Variants in PUF60 observed in about 807,000 individuals in gnomAD.
PUF60 encodes poly(U) binding splicing factor 60.
Under a neutral mutation model 61.8 loss-of-function variants are expected in PUF60, and 10 were observed. That is an observed-to-expected ratio of 0.16 (90% confidence interval 0.10 to 0.27). PUF60 has a LOEUF of 0.27. Ranked by LOEUF, PUF60 falls within the 10% of genes least tolerant of loss-of-function variation. The probability of loss-of-function intolerance (pLI) is 1.00; values close to 1 mark genes in which losing one functional copy is unlikely to be tolerated. For missense variants in PUF60, 371 were observed against 754.0 expected, an observed-to-expected ratio of 0.49 and a Z score of 5.95; for synonymous variants, 353 against 300.9, an observed-to-expected ratio of 1.17 and a Z score of -1.79.
chr8:143,822,592 C>G (rs1817148657), intron 2 of PUF60: 1 of 456,472 alleles, frequency 2.2e-6, no homozygotes, highest in Admixed American at 2.3e-5. Flanking sequence ...TGGGAGAAGC[C>G]AGGAGCAGAC....
chr8:143,825,847 G>A (rs529527592), intron 1 of PUF60, among the ~76,000 whole-genome samples: 2 of 152,234 alleles, frequency 1.3e-5, no homozygotes, highest in Non-Finnish European at 2.9e-5. Context: ...GAACTGAGGG[G>A]CACTTTTGTA....
chr8:143,817,540 A>C lies in PUF60; in HGVS notation c.1008+52T>G, dbSNP rs754292307. 29 of 1,608,540 alleles carry C rather than the reference A, an allele frequency of 1.8e-5. 1 individual carries two copies. Among genetic ancestry groups the C allele is most frequent in the Non-Finnish European group, 2.4e-5 (28 of 1,179,084 alleles). Reference sequence around the variant, plus strand: ...GACCACCTTGAATCAGTCTCCAAGGAATCAGGGGCCAGCCCGCCCACCCTC... The same window carrying C: ...GACCACCTTGAATCAGTCTCCAAGGCATCAGGGGCCAGCCCGCCCACCCTC... On this transcript the variant is annotated intron_variant, in intron 9 of 11. Transcript: ENST00000526683. This position sits in a 1 kb window ranked among gnomAD's most constrained non-coding sequence, Gnocchi z 7.4.
chr8:143,829,014 T>C (rs1348787950), intron 1 of PUF60: 1 of 996,194 alleles, frequency 1.0e-6, no homozygotes, highest in Non-Finnish European at 1.2e-6. Context: ...CCCGCCAGGC[T>C]CGCCCGCAAG....
chr8:143,824,832 G>A (rs956468959), intron 1 of PUF60: 5 of 197,382 alleles, frequency 2.5e-5, no homozygotes, highest in Admixed American at 2.2e-4. Context: ...CAGCTCCAGT[G>A]CCTTCCACAG....
chr8:143,822,502 G>A, intron 2 of PUF60: 1 of 456,584 alleles, frequency 2.2e-6, no homozygotes, highest in South Asian at 1.5e-5. Context: ...GAGAACACAG[G>A]CCTCTCTCGG....
In PUF60 at chr8:143,816,563, A is replaced by G; in HGVS notation, c.1637T>C (p.Val546Ala). Residue 546 changes from valine to alanine, a missense_variant, in exon 12 of 12, where the codon GTG becomes GCG. By Grantham distance (64) the Val-to-Ala change is moderately conservative. This residue lies in a region of PUF60 where 17 missense variants were observed against 37.3 expected (regional missense o/e 0.46). Coordinates refer to ENST00000526683, the MANE Select transcript of PUF60 (RefSeq NM_078480.3). ...WFAGRKVVAE[V>A]YDQERFDNSD... ...GTTATCAAAACGCTCCTGGTCGTAC[A>G]CTTCAGCCACCACCTTGCGGCCAGC... is the stretch of plus-strand genomic sequence containing the variant. 6.2e-7 allele frequency: 1 copy of G among 1,613,494 alleles called. No individual in the cohort carries two copies. The highest frequency in any genetic ancestry group is 8.5e-7 in the Non-Finnish European group (1 of 1,179,816).
At chr8:143,824,055 C>A (rs1396649235) in intron 2 of PUF60, among the ~76,000 whole-genome samples, 2 of 152,282 alleles carry the variant, frequency 1.3e-5, no homozygotes. Flanking sequence ...GTCAACAGGC[C>A]CCGCCTGGTG....
At chr8:143,824,453 G>A (rs1427907722) in intron 1 of PUF60, 54 bp from the exon 2 acceptor site, 9 of 1,563,682 alleles carry the variant, frequency 5.8e-6, no homozygotes, top group Admixed American at 1.7e-5. Context: ...CACCGCCCAG[G>A]CCTGCTCTCC....
At chr8:143,825,454 A>C (rs1052657564) in intron 1 of PUF60, among the ~76,000 whole-genome samples, 1 of 151,382 alleles carries the variant, frequency 6.6e-6, no homozygotes, top group East Asian at 1.9e-4. Context: ...CTGCCTAAAC[A>C]CTGCACCCCG....
chr8:143,825,627 C>G (rs1043268762), intron 1 of PUF60, among the ~76,000 whole-genome samples: 4 of 152,284 alleles, frequency 2.6e-5, no homozygotes, highest in African/African-American at 9.6e-5. Flanking sequence ...GGACTCCAGG[C>G]ATGCGCCGCC....
Position 143,817,524 on chromosome 8 carries a change from G to C in PUF60, c.1009-58C>G, listed in dbSNP as rs1401520617. 1.1e-5 allele frequency: 17 copies of C among 1,608,232 alleles called. No homozygotes were observed. Among genetic ancestry groups the C allele is most frequent in the African/African-American group, 5.3e-5 (4 of 74,940 alleles). On this transcript the variant is annotated intron_variant, in intron 9 of 11. Coordinates refer to ENST00000526683, the MANE Select transcript of PUF60 (RefSeq NM_078480.3). The surrounding 1 kb of genome is among the most constrained non-coding windows in gnomAD (Gnocchi z 7.4). The stretch of plus-strand genomic sequence containing the variant: ...TGGTCTGGCTACTCAAGACCACCTT[G>C]AATCAGTCTCCAAGGAATCAGGGGC...
At chr8:143,826,610 G>A (rs1162411018) in intron 1 of PUF60, among the ~76,000 whole-genome samples, 1 of 152,164 alleles carries the variant, frequency 6.6e-6, no homozygotes, top group Non-Finnish European at 1.5e-5. Flanking sequence ...AGCTACTTGG[G>A]AGGCTGAGGT....
At chr8:143,827,922 T>G (rs1406812316) in intron 1 of PUF60, among the ~76,000 whole-genome samples, 1 of 152,154 alleles carries the variant, frequency 6.6e-6, no homozygotes, top group Admixed American at 6.5e-5. Flanking sequence ...ACTCTCCTCC[T>G]CCACCTTCCC....
At chr8:143,824,148 C>T (rs1160473857) in intron 2 of PUF60, among the ~76,000 whole-genome samples, 165 bp downstream of exon 2, 3 of 152,200 alleles carry the variant, frequency 2.0e-5, no homozygotes, top group South Asian at 4.1e-4. Context: ...GGGAGAGGGC[C>T]GTGGTCCTGC....
rs1375919854 is a variant in PUF60 at position 143,824,807 on chromosome 8, C to A, written c.25-408G>T. ...GGCAACCTGTACACACCTTGGCCAGCCCACAACTCAGCCCCAGCTCCAGTG... is the reference window on the plus strand; with the variant it reads ...GGCAACCTGTACACACCTTGGCCAGACCACAACTCAGCCCCAGCTCCAGTG... On this transcript the variant is annotated intron_variant, in intron 1 of 11. Transcript: ENST00000526683. The A allele has an allele frequency of 1.8e-5, 4 of 221,048 alleles. No homozygotes were observed. The Admixed American group carries it at 2.1e-4, about 12-fold the overall frequency. 13.7% of individuals were successfully genotyped at this position (221,048 alleles called of 1,614,324 possible).
chr8:143,828,944 C>T (rs1231281256), intron 1 of PUF60: 1 of 987,742 alleles, frequency 1.0e-6, no homozygotes, highest in African/African-American at 1.7e-5. Flanking sequence ...GCGCACACCC[C>T]CGTCGGCAAA....
At chr8:143,820,972 G>C (rs955990157) in intron 4 of PUF60, among the ~76,000 whole-genome samples, 2 of 152,204 alleles carry the variant, frequency 1.3e-5, no homozygotes, top group African/African-American at 2.4e-5. Flanking sequence ...GAGGAGGGCA[G>C]TGGAGCACAG....
intron 4 of PUF60, 77 bp downstream of exon 4, chr8:143,821,520 A>T: frequency 7.7e-7 from 1 of 1,291,784 alleles, no homozygotes; most frequent in Non-Finnish European, 1.1e-6. Flanking sequence ...CCGCAGGCCC[A>T]GGAGGAGGAA....
In PUF60 at chr8:143,816,360, C is replaced by A. The variant is rs1187360332; in HGVS notation, c.*160G>T. 6.3e-6 allele frequency: 5 copies of A among 792,184 alleles called. No homozygotes were observed. The South Asian group carries it at 7.4e-5, about 12-fold the overall frequency. 49.1% of individuals were successfully genotyped at this position (792,184 alleles called of 1,614,324 possible). A position where few individuals can be genotyped will look rare whatever the true frequency, so the allele number is the denominator to read the frequency against. On this transcript the variant is annotated 3_prime_UTR_variant, in exon 12 of 12. Transcript: ENST00000526683. ...CGCCCAGGATCGGTGACAGGACCGACGGCAGACACACGGACGTTCAGGGCC... is the reference window on the plus strand; with the variant it reads ...CGCCCAGGATCGGTGACAGGACCGAAGGCAGACACACGGACGTTCAGGGCC...
Sources: allele counts gnomAD v4.1 joint callset (sites outside exome capture counted in the v4.1 genomes callset), GRCh38; gene constraint gnomAD v4.1.1; regional missense constraint gnomAD v4.1.1; non-coding constraint Gnocchi (gnomAD v3.1); transcripts MANE v1.5; gene names NCBI Gene and HGNC (gene_info 2026-07-23, HGNC 2026-07-21).